The following TMEM163 variants were observed in gnomAD, a reference collection of about 807,000 sequenced individuals.
The protein encoded by TMEM163 is transmembrane protein 163.
In TMEM163, 17 loss-of-function variants were observed where a neutral mutation model predicts 29.3. The ratio of observed to expected loss-of-function variants is 0.58; its 90% CI spans 0.40 to 0.87. TMEM163 has a LOEUF of 0.87. Ranked by LOEUF, TMEM163 falls within the 40% of genes least tolerant of loss-of-function variation. The probability of loss-of-function intolerance (pLI) is 0.00; values close to 1 mark genes in which losing one functional copy is unlikely to be tolerated. For synonymous variants in TMEM163, 157 were observed against 160.6 expected, an observed-to-expected ratio of 0.98 and a Z score of 0.17; for missense variants, 303 against 381.5, an observed-to-expected ratio of 0.79 and a Z score of 1.71.
Position 134,645,334 on chromosome 2 carries a change from TC to T in TMEM163, c.322+67865del, listed in dbSNP as rs539391822. Among the ~76,000 whole-genome samples the T allele has an allele frequency of 7.4e-4, 113 of 152,320 alleles. 1 individual carries two copies. Among genetic ancestry groups the T allele is most frequent in the Admixed American group, 1.6e-3 (24 of 15,300 alleles). On this transcript the variant is annotated intron_variant, in intron 2 of 7. Coordinates refer to ENST00000281924, the MANE Select transcript of TMEM163 (RefSeq NM_030923.5). ...CAGCAGCAGCTCTACTGTGCCCAGG[TC>T]CTTTTCATTGATGTATTGTTTATGG...
chr2:134,701,981 T>G (rs775309738), intron 2 of TMEM163, among the ~76,000 whole-genome samples: 23 of 144,122 alleles, frequency 1.6e-4, no homozygotes, highest in Admixed American at 4.8e-4. Context: ...CTTCCCCAAC[T>G]CAGCTCCCAA....
intron 5 of TMEM163, among the ~76,000 whole-genome samples, chr2:134,480,106 T>C (rs1396243022): frequency 6.6e-6 from 1 of 152,200 alleles, no homozygotes; most frequent in Admixed American, 6.5e-5. Flanking sequence ...GTGTACATTA[T>C]AAGACACGGT....
intron 2 of TMEM163, among the ~76,000 whole-genome samples, chr2:134,707,749 G>A (rs1684846390): frequency 6.6e-6 from 1 of 152,034 alleles, no homozygotes; most frequent in African/African-American, 2.4e-5. Context: ...CAGTTGGTGA[G>A]GCCTCTTTGG....
At chr2:134,468,234 G>A (rs1686712258) in intron 5 of TMEM163, 1 of 152,246 alleles carries the variant, frequency 6.6e-6, no homozygotes, top group Non-Finnish European at 1.5e-5. Flanking sequence ...TGCAAGGACA[G>A]AGCCCTCACT....
intron 2 of TMEM163, among the ~76,000 whole-genome samples, chr2:134,577,712 C>T (rs1681591694): frequency 6.6e-6 from 1 of 152,020 alleles, no homozygotes; most frequent in African/African-American, 2.4e-5. Context: ...CCTCCCCACC[C>T]ACCCTTGGGA....
At chr2:134,634,011 AT>A (rs1683045599) in intron 2 of TMEM163, among the ~76,000 whole-genome samples, 3 of 31,512 alleles carry the variant, frequency 9.5e-5, no homozygotes, top group Non-Finnish European at 1.7e-4. Flanking sequence ...ATATATATAT[AT>A]ATATATATAA....
intron 2 of TMEM163, among the ~76,000 whole-genome samples, chr2:134,656,966 C>T (rs1426646877): frequency 2.6e-5 from 4 of 152,154 alleles, no homozygotes; most frequent in African/African-American, 9.7e-5. Context: ...GGTGAATTAA[C>T]TTCTTGATGT....
rs199574199 is a variant in TMEM163, at chr2:134,519,723, G to GA, written c.459-16727dup. 5.3e-3 allele frequency among the ~76,000 whole-genome samples: 773 copies of GA among 144,892 alleles called. 4 individuals carry two copies. The highest frequency in any genetic ancestry group is 0.013 in the African/African-American group (532 of 39,438). On this transcript the variant is annotated intron_variant, in intron 4 of 7. Transcript: ENST00000281924. Reference sequence around the variant, plus strand: ...TGAGATTCCGTGTCAAAAATTTAAAGAAAAAAAAAATACAAAAATCCACCA... The same window carrying GA: ...TGAGATTCCGTGTCAAAAATTTAAAGAAAAAAAAAAATACAAAAATCCACCA...
At chr2:134,663,090 C>T (rs754496678) in intron 2 of TMEM163, among the ~76,000 whole-genome samples, 5 of 152,180 alleles carry the variant, frequency 3.3e-5, no homozygotes, top group Admixed American at 6.5e-5. Flanking sequence ...TCATAGGCAA[C>T]CATACTTCAC....
chr2:134,662,562 T>C (rs1253335957), intron 2 of TMEM163, among the ~76,000 whole-genome samples: 1 of 152,234 alleles, frequency 6.6e-6, no homozygotes, highest in African/African-American at 2.4e-5. Context: ...GCTGTAAATA[T>C]GACTGAAAGG....
At chr2:134,481,363 AGGTAATTGAATCATGGGG>A (rs1383774069) in intron 5 of TMEM163, among the ~76,000 whole-genome samples, 2 of 128,310 alleles carry the variant, frequency 1.6e-5, no homozygotes, top group Non-Finnish European at 3.1e-5. Context: ...ACCTAGTGGG[AGGTAATTGAATCATGGGG>A]GGGGGGGGAG....
In TMEM163 at chr2:134,541,756, G is replaced by A. The variant is rs571453574; in HGVS notation, c.458+8814C>T. Among the ~76,000 whole-genome samples the A allele has an allele frequency of 9.8e-4, 142 of 144,590 alleles. 1 individual carries two copies. Among genetic ancestry groups the A allele is most frequent in the African/African-American group, 3.7e-3 (139 of 37,760 alleles). 94.9% of individuals were successfully genotyped at this position (144,590 alleles called of 152,430 possible). On this transcript the variant is annotated intron_variant, in intron 4 of 7. Transcript: ENST00000281924. ...TTTTAAAAAAGCTAAATGGATATAC[G>A]TGTGTGTACACACGTGCACACACAC...
chr2:134,614,305 A>G (rs1318739923), intron 2 of TMEM163, among the ~76,000 whole-genome samples: 1 of 152,156 alleles, frequency 6.6e-6, no homozygotes, highest in Non-Finnish European at 1.5e-5. Context: ...CTCACACTTT[A>G]TATAAAATTA....
intron 5 of TMEM163, among the ~76,000 whole-genome samples, chr2:134,493,061 GTTTAA>G (rs1271577629): frequency 1.3e-5 from 2 of 152,116 alleles, no homozygotes; most frequent in African/African-American, 2.4e-5. Flanking sequence ...ATATGTAGTG[GTTTAA>G]TTTGTTATCC....
intron 2 of TMEM163, among the ~76,000 whole-genome samples, chr2:134,686,091 T>C (rs1684344882): frequency 6.6e-6 from 1 of 152,180 alleles, no homozygotes; most frequent in African/African-American, 2.4e-5. Context: ...AGGAGTGGCA[T>C]CTGGGTCCAC....
intron 2 of TMEM163, among the ~76,000 whole-genome samples, chr2:134,567,066 A>G (rs1330905636): frequency 6.6e-6 from 1 of 152,178 alleles, no homozygotes; most frequent in Non-Finnish European, 1.5e-5. Flanking sequence ...CTGGGAGTAC[A>G]AGGTTGAAAG....
chr2:134,551,687 A>G (rs1221210373), intron 3 of TMEM163, among the ~76,000 whole-genome samples: 1 of 152,200 alleles, frequency 6.6e-6, no homozygotes, highest in Non-Finnish European at 1.5e-5. Flanking sequence ...TAGCGCAAGT[A>G]GCCCCGATCT....
At chr2:134,681,951 A>G (rs2104876140) in intron 2 of TMEM163, among the ~76,000 whole-genome samples, 1 of 152,278 alleles carries the variant, frequency 6.6e-6, no homozygotes, top group African/African-American at 2.4e-5. Flanking sequence ...GGGGACACAC[A>G]TTACACACAG....
At chr2:134,503,721 C>T (rs80032202) in intron 4 of TMEM163, among the ~76,000 whole-genome samples, 10,560 of 152,036 alleles carry the variant, frequency 0.069, 795 homozygotes, top group African/African-American at 0.18. Context: ...TCAGCACAGG[C>T]GGAGGCAGGA....
Sources: allele counts gnomAD v4.1 joint callset (sites outside exome capture counted in the v4.1 genomes callset), GRCh38; gene constraint gnomAD v4.1.1; transcripts MANE v1.5; gene names NCBI Gene and HGNC (gene_info 2026-07-23, HGNC 2026-07-21).